CCDC122: variants seen among roughly 807,000 people sequenced by gnomAD.
CCDC122 encodes the protein coiled-coil domain-containing protein 122.
In CCDC122, 38 loss-of-function variants were observed where a neutral mutation model predicts 37.0. That is an observed-to-expected ratio of 1.03 (90% confidence interval 0.79 to 1.35). The LOEUF (loss-of-function observed/expected upper bound fraction) is 1.35. Ranked by LOEUF, CCDC122 falls within the 40% of genes most tolerant of loss-of-function variation. The pLI is 0.00. For synonymous variants in CCDC122, 83 were observed against 95.6 expected (o/e 0.87, Z 0.77); for missense variants, 305 against 310.0 (o/e 0.98, Z 0.12).
Position 43,869,457 on chromosome 13 carries a change from A to G in CCDC122, c.-81T>C. 8.2e-7 allele frequency: 1 copy of G among 1,222,952 alleles called. No homozygotes were observed. The allele number at this position is 1,222,952 out of a possible 1,614,324, so 75.8% of individuals were successfully genotyped here. Reference sequence around the variant, plus strand: ...CAATAATCTATATTGATAATCTTTCACTTTTGTTTTTTCCTGTTGTATATT... The same window carrying G: ...CAATAATCTATATTGATAATCTTTCGCTTTTGTTTTTTCCTGTTGTATATT... On this transcript the variant is annotated 5_prime_UTR_variant, in exon 3 of 7. Transcript: ENST00000444614.
At chr13:43,860,805 T>G (rs762110455) in intron 4 of CCDC122, among the ~76,000 whole-genome samples, 1 of 152,188 alleles carries the variant, frequency 6.6e-6, no homozygotes, top group Non-Finnish European at 1.5e-5. Flanking sequence ...CTGCCGATGA[T>G]TCACAGAATA....
At chr13:43,847,809 C>T (rs1036300917) in intron 6 of CCDC122, among the ~76,000 whole-genome samples, 7 of 152,174 alleles carry the variant, frequency 4.6e-5, no homozygotes, top group African/African-American at 1.7e-4. Flanking sequence ...GGGTCTTGCT[C>T]TGTTGCCTAG....
chr13:43,854,546 T>C (rs1168509374), intron 6 of CCDC122: 4 of 152,170 alleles, frequency 2.6e-5, no homozygotes, highest in African/African-American at 4.8e-5. Flanking sequence ...CTATCAGATA[T>C]ACAAAGAAGA....
downstream of CCDC122, among the ~76,000 whole-genome samples, chr13:43,836,121 C>A (rs1316446377): frequency 6.6e-6 from 1 of 152,110 alleles, no homozygotes; most frequent in Non-Finnish European, 1.5e-5. Context: ...TTATTTAATC[C>A]TACAAATGAA....
intron 3 of CCDC122, among the ~76,000 whole-genome samples, chr13:43,829,629 G>T (rs1953070140): frequency 6.6e-6 from 1 of 151,940 alleles, no homozygotes; most frequent in African/African-American, 2.4e-5. Flanking sequence ...AGCTGAGAAA[G>T]AATGGTTTGA....
chr13:43,861,474 C>G (rs1016584237), intron 4 of CCDC122, among the ~76,000 whole-genome samples: 4 of 152,176 alleles, frequency 2.6e-5, no homozygotes, highest in African/African-American at 9.7e-5. Flanking sequence ...CACCTTAGCT[C>G]TTCCCTTCTT....
chr13:43,832,183 C>G (rs1379930494), downstream of CCDC122, among the ~76,000 whole-genome samples: 2 of 144,880 alleles, frequency 1.4e-5, no homozygotes, highest in African/African-American at 5.1e-5. Flanking sequence ...ATTAAAATAA[C>G]AGATAACATG....
chr13:43,876,681 T>C (rs1954621644), intron 1 of CCDC122, among the ~76,000 whole-genome samples: 1 of 152,258 alleles, frequency 6.6e-6, no homozygotes, highest in African/African-American at 2.4e-5. Context: ...AACCTGTTTT[T>C]GCCAGTTGTG....
At position 43,837,064 on chromosome 13, in the gene CCDC122, T is replaced by C. The variant is rs1341952416; in HGVS notation, c.*216A>G. ...CTCTTGCATTATTTTCCCGTAGACA[T>C]TCCTATTGTCTGTCTACTGCTATCA... On this transcript the variant is annotated 3_prime_UTR_variant, in exon 7 of 7. Transcript: ENST00000444614. 2 of 496,052 alleles carry C rather than the reference T, an allele frequency of 4.0e-6. No homozygotes were observed. The highest frequency in any genetic ancestry group is 3.3e-5 in the East Asian group (1 of 30,270). The allele number at this position is 496,052 out of a possible 1,614,324, so 30.7% of individuals were successfully genotyped here. A position where few individuals can be genotyped will look rare whatever the true frequency, so the allele number is the denominator to read the frequency against.
Position 43,869,321 on chromosome 13 carries a change from G to A in CCDC122, c.46+10C>T. ...TTTTAATTATTTATTTCTTAAGACT[G>A]TTTCATTACCTTCTTTAGGAAATCC... On this transcript the variant is annotated intron_variant, in intron 3 of 6. Coordinates refer to ENST00000444614, the MANE Select transcript of CCDC122 (RefSeq NM_144974.5). 6.3e-7 allele frequency: 1 copy of A among 1,588,742 alleles called. No homozygotes were observed. Among genetic ancestry groups the A allele is most frequent in the Non-Finnish European group, 8.6e-7 (1 of 1,159,266 alleles).
chr13:43,829,369 G>C (rs570849131), intron 3 of CCDC122, among the ~76,000 whole-genome samples: 2 of 152,078 alleles, frequency 1.3e-5, no homozygotes, highest in African/African-American at 2.4e-5. Context: ...ACAGTGGTGC[G>C]ATCTCGGCTC....
chr13:43,870,461 T>C (rs896038769), intron 2 of CCDC122, among the ~76,000 whole-genome samples: 1 of 152,170 alleles, frequency 6.6e-6, no homozygotes, highest in Admixed American at 6.6e-5. Context: ...CATCCTTTAA[T>C]ATATCTACCT....
chr13:43,874,740 C>T (rs912536894), intron 2 of CCDC122, 102 bp downstream of exon 2: 1 of 152,144 alleles, frequency 6.6e-6, no homozygotes, highest in Non-Finnish European at 1.5e-5. Flanking sequence ...AGGAAACAGG[C>T]TTTAGAGACA....
downstream of CCDC122, among the ~76,000 whole-genome samples, chr13:43,835,567 A>C (rs534615998): frequency 3.8e-4 from 58 of 152,330 alleles, no homozygotes; most frequent in Non-Finnish European, 6.9e-4. Context: ...AAACTACATT[A>C]AAACTTACTT....
chr13:43,878,528 A>C (rs1453505494), intron 1 of CCDC122, among the ~76,000 whole-genome samples: 2 of 152,132 alleles, frequency 1.3e-5, no homozygotes, highest in Non-Finnish European at 1.5e-5. Flanking sequence ...TATGAGACAA[A>C]GGTTCTTTAG....
intron 6 of CCDC122, chr13:43,855,397 C>G (rs1359703719): frequency 6.9e-6 from 1 of 145,594 alleles, no homozygotes; most frequent in East Asian, 2.0e-4. Flanking sequence ...ACACACACCC[C>G]TAAGAACACA....
rs573915407 is a variant in CCDC122, at chr13:43,869,207, A to G, written c.46+124T>C. 51 of 739,342 alleles carry G rather than the reference A, an allele frequency of 6.9e-5. 1 individual carries two copies. Among genetic ancestry groups the G allele is most frequent in the Non-Finnish European group, 1.2e-4 (50 of 429,868 alleles). The allele number at this position is 739,342 out of a possible 1,614,324, so 45.8% of individuals were successfully genotyped here. A position where few individuals can be genotyped will look rare whatever the true frequency, so the allele number is the denominator to read the frequency against. ...GCTAAACACTGTATATGTTTGTCCCAGCTAAATGTAACTGCTTCCATCTAT... is the reference window on the plus strand; with the variant it reads ...GCTAAACACTGTATATGTTTGTCCCGGCTAAATGTAACTGCTTCCATCTAT... On this transcript the variant is annotated intron_variant, in intron 3 of 6. Coordinates refer to ENST00000444614, the MANE Select transcript of CCDC122 (RefSeq NM_144974.5).
chr13:43,865,701 G>A (rs760389172), intron 4 of CCDC122, among the ~76,000 whole-genome samples: 3 of 152,116 alleles, frequency 2.0e-5, no homozygotes, highest in Admixed American at 6.5e-5. Context: ...CCGACCTCAA[G>A]TTATCCATCT....
At chr13:43,825,769 C>CAG (rs1953034198) in intron 3 of CCDC122, among the ~76,000 whole-genome samples, 2 of 73,534 alleles carry the variant, frequency 2.7e-5, no homozygotes, top group South Asian at 5.6e-4. Context: ...GACTCCGTCT[C>CAG]AAAAAAAAAA....
Sources: allele counts gnomAD v4.1 joint callset (sites outside exome capture counted in the v4.1 genomes callset), GRCh38; gene constraint gnomAD v4.1.1; transcripts MANE v1.5; gene names NCBI Gene and HGNC (gene_info 2026-07-23, HGNC 2026-07-21).